Variants in ASNSD1 observed in about 807,000 individuals in gnomAD.
ASNSD1 encodes asparagine synthetase domain containing 1.
ASNSD1 carries 36 observed loss-of-function variants against 48.3 expected under a neutral mutation model. The ratio of observed to expected loss-of-function variants is 0.75; its 90% CI spans 0.57 to 0.99. The LOEUF is 0.99. Ranked by LOEUF, ASNSD1 falls within the 50% of genes least tolerant of loss-of-function variation. The pLI, the probability that ASNSD1 is intolerant of heterozygous loss-of-function variation, is 0.00. For missense variants in ASNSD1, 714 were observed against 758.2 expected, an observed-to-expected ratio of 0.94 and a Z score of 0.69; for synonymous variants, 257 against 262.1, an observed-to-expected ratio of 0.98 and a Z score of 0.19.
At chr2:189,668,480 G>T (rs978402384) in intron 5 of ASNSD1, among the ~76,000 whole-genome samples, 1 of 150,390 alleles carries the variant, frequency 6.6e-6, no homozygotes, top group South Asian at 2.1e-4. Context: ...CCGCACTCCA[G>T]CCTGGGAGAC....
chr2:189,669,319 C>A (rs1253820539), intron 5 of ASNSD1, among the ~76,000 whole-genome samples: 1 of 152,180 alleles, frequency 6.6e-6, no homozygotes, highest in East Asian at 1.9e-4. Flanking sequence ...GGTAGAAATT[C>A]AGTCTGTTAT....
intron 1 of ASNSD1, among the ~76,000 whole-genome samples, chr2:189,662,604 A>G (rs551711941): frequency 6.6e-6 from 1 of 152,298 alleles, no homozygotes; most frequent in Admixed American, 6.5e-5. Flanking sequence ...CATTCTGATT[A>G]CCACCATAGC....
chr2:189,667,121 T>C lies in ASNSD1; in HGVS notation c.989T>C (p.Ile330Thr), dbSNP rs1291143134. The C allele has an allele frequency of 6.2e-7, 1 of 1,614,222 alleles. No homozygotes were observed. Among genetic ancestry groups the C allele is most frequent in the Non-Finnish European group, 8.5e-7 (1 of 1,180,032 alleles). ...ANVAILFSGG[I>T]DSMVIATLAD... The stretch of plus-strand genomic sequence containing the variant: ...GTTGCAATCCTGTTTTCTGGGGGCA[T>C]TGATTCCATGGTTATTGCAACCCTT... The change falls in exon 4 of 6, where the codon ATT becomes ACT. Residue 330 changes from isoleucine (I) to threonine (T), a missense_variant. Transcript: ENST00000260952.
intron 1 of ASNSD1, among the ~76,000 whole-genome samples, chr2:189,661,811 A>C (rs2032671634): frequency 6.6e-6 from 1 of 152,158 alleles, no homozygotes; most frequent in Admixed American, 6.5e-5. Context: ...GGAGATCTTG[A>C]AATTTGTCCC....
At chr2:189,665,266 A>G (rs777429322) in intron 2 of ASNSD1, 110 bp from the exon 3 acceptor site, 37 of 369,702 alleles carry the variant, frequency 1.0e-4, no homozygotes, top group Non-Finnish European at 1.5e-4. Context: ...TGTATTTGCT[A>G]AAGTATTGTA....
intron 1 of ASNSD1, among the ~76,000 whole-genome samples, chr2:189,662,399 CCTT>C (rs1298460141): frequency 1.3e-5 from 2 of 152,166 alleles, no homozygotes; most frequent in Non-Finnish European, 2.9e-5. Context: ...GTATCAGTTA[CCTT>C]CTTTGAAGTA....
Position 189,667,006 on chromosome 2 carries a change from G to A in ASNSD1, c.874G>A (p.Val292Ile). 1 of 1,614,172 alleles carries A rather than the reference G, an allele frequency of 6.2e-7. No homozygotes were observed. Among genetic ancestry groups the A allele is most frequent in the Non-Finnish European group, 8.5e-7 (1 of 1,180,028 alleles). Residue 292 changes from valine (V) to isoleucine (I), a missense_variant, in exon 4 of 6, where the codon GTA (valine) becomes ATA (isoleucine). Val to Ile is a conservative substitution (Grantham distance 29, BLOSUM62 3). Coordinates refer to ENST00000260952, the MANE Select transcript of ASNSD1 (RefSeq NM_019048.4). ...TCAGCAGTTCATTGATGTCCTGAGT[G>A]TAGCAGTCAAGAAACGTGTCTTGTG... ...VIQQFIDVLS[V>I]AVKKRVLCLP...
chr2:189,665,596 G>GTATATATATA (rs71023704), intron 3 of ASNSD1, 145 bp downstream of exon 3: 2 of 111,494 alleles, frequency 1.8e-5, no homozygotes, highest in African/African-American at 4.0e-5. Flanking sequence ...ATATATATAT[G>GTATATATATA]TGTATATATA....
intron 5 of ASNSD1, among the ~76,000 whole-genome samples, chr2:189,668,523 G>T (rs1269299926): frequency 6.6e-6 from 1 of 151,966 alleles, no homozygotes; most frequent in African/African-American, 2.4e-5. Flanking sequence ...AAAAAACAGA[G>T]TAAAACTGAG....
intron 1 of ASNSD1, 55 bp from the exon 2 acceptor site, chr2:189,663,846 C>A: frequency 2.7e-6 from 1 of 374,888 alleles, no homozygotes; most frequent in South Asian, 1.3e-4. Context: ...AAGGGATTTT[C>A]ATTGAGCATA....
intron 2 of ASNSD1, 101 bp downstream of exon 2, chr2:189,664,055 A>C (rs1475238234): frequency 2.9e-6 from 1 of 342,780 alleles, no homozygotes; most frequent in Non-Finnish European, 5.3e-6. Context: ...ATCATACTTT[A>C]ATAAAATGTA....
rs547073070 is a variant in ASNSD1, at chr2:189,665,525, A to T, written c.-93+74A>T. ...CATCTGAGTGTTAAAATATATATCT[A>T]AAGATTAATGCAGCAGTTTGATTTT... On this transcript the variant is annotated intron_variant, in intron 3 of 5. Coordinates refer to ENST00000260952, the MANE Select transcript of ASNSD1 (RefSeq NM_019048.4). 396 of 372,944 alleles carry T rather than the reference A, an allele frequency of 1.1e-3. 2 individuals are homozygous for T. The highest frequency in any genetic ancestry group is 1.6e-3 in the Non-Finnish European group (336 of 211,742). The allele number at this position is 372,944 out of a possible 1,614,324, so 23.1% of individuals were successfully genotyped here. A position where few individuals can be genotyped will look rare whatever the true frequency, so the allele number is the denominator to read the frequency against.
At chr2:189,667,669 A>T (rs2032844220) in intron 4 of ASNSD1, 73 bp downstream of exon 4, 1 of 1,538,046 alleles carries the variant, frequency 6.5e-7, no homozygotes, top group African/African-American at 1.4e-5. Flanking sequence ...TAGCATTTTG[A>T]TTGTAAGAAT....
chr2:189,670,670 C>T lies in ASNSD1; in HGVS notation c.1876C>T (p.Arg626Trp), dbSNP rs556919786. 103 of 1,612,374 alleles carry T rather than the reference C, an allele frequency of 6.4e-5. No individual in the cohort carries two copies. The highest frequency in any genetic ancestry group is 8.4e-5 in the Admixed American group (5 of 59,792). The stretch of plus-strand genomic sequence containing the variant: ...TGAAAAGGCATCTGATAAATGTGGA[C>T]GGCTCCAAATCATGTCCTTAGAAAA... The part of the protein sequence containing the change: ...INEKASDKCG[R>W]LQIMSLENLS... The change falls in exon 6 of 6, where the codon CGG becomes TGG. Residue 626 changes from arginine (R) to tryptophan (W), a missense_variant. Arg to Trp is a moderately radical substitution (Grantham distance 101). Transcript: ENST00000260952.
At chr2:189,668,330 CATG>C (rs1291400189) in intron 5 of ASNSD1, among the ~76,000 whole-genome samples, 2 of 137,894 alleles carry the variant, frequency 1.5e-5, no homozygotes, top group Non-Finnish European at 3.1e-5. Context: ...GCCTGGTAAA[CATG>C]ATGAAACCCC....
intron 1 of ASNSD1, among the ~76,000 whole-genome samples, chr2:189,662,461 A>G (rs928467798): frequency 3.3e-5 from 5 of 152,216 alleles, no homozygotes; most frequent in African/African-American, 4.8e-5. Context: ...CCCTGTATAA[A>G]TGTTAAGTCT....
chr2:189,664,685 G>T (rs1003314703), intron 2 of ASNSD1, among the ~76,000 whole-genome samples: 3 of 151,888 alleles, frequency 2.0e-5, no homozygotes, highest in African/African-American at 2.4e-5. Context: ...GGAGGCAGAG[G>T]TTGCAGTGAG....
In ASNSD1 at chr2:189,670,554, C is replaced by T. The variant is rs761614392; in HGVS notation, c.1760C>T (p.Ala587Val). 2 of 1,614,094 alleles carry T rather than the reference C, an allele frequency of 1.2e-6. No homozygotes were observed. Among genetic ancestry groups the T allele is most frequent in the Admixed American group, 1.7e-5 (1 of 60,028 alleles). ...GIGEKLLLRL[A>V]AVELGLTASA... is the part of the protein sequence containing the mutation. ...GGTGAAAAATTACTTTTACGCCTTG[C>T]AGCTGTGGAACTTGGTCTTACAGCC... Residue 587 changes from alanine (A) to valine (V), a missense_variant, in exon 6 of 6, where the codon GCA becomes GTA. Physicochemically the swap from Ala to Val is moderately conservative, Grantham distance 64. Transcript: ENST00000260952.
chr2:189,670,212 T>C (rs2032897834), intron 5 of ASNSD1, among the ~76,000 whole-genome samples: 1 of 149,712 alleles, frequency 6.7e-6, no homozygotes, highest in African/African-American at 2.5e-5. Flanking sequence ...AAAAAAATCA[T>C]GTTTGTTTTC....
Sources: allele counts gnomAD v4.1 joint callset (sites outside exome capture counted in the v4.1 genomes callset), GRCh38; gene constraint gnomAD v4.1.1; transcripts MANE v1.5; gene names NCBI Gene and HGNC (gene_info 2026-07-23, HGNC 2026-07-21).